SH3GL1: variants seen among roughly 807,000 people sequenced by gnomAD.
The protein encoded by SH3GL1 is endophilin-A2.
Under a neutral mutation model 48.8 loss-of-function variants are expected in SH3GL1, and 21 were observed. The ratio of observed to expected loss-of-function variants is 0.43; its 90% confidence interval spans 0.30 to 0.62. SH3GL1 has a LOEUF of 0.62. SH3GL1 is among the 20% of genes least tolerant of loss of function. The pLI is 0.11. For synonymous variants in SH3GL1, 282 were observed against 217.5 expected (o/e 1.30, Z -2.61); for missense variants, 454 against 503.0 (o/e 0.90, Z 0.93).
intron 4 of SH3GL1, 143 bp from the exon 5 acceptor site, chr19:4,364,364 G>C: frequency 9.4e-7 from 1 of 1,067,192 alleles, no homozygotes; most frequent in East Asian, 2.5e-5. Context: ...CCTCAAACTG[G>C]GCTCAAGCCA....
intron 1 of SH3GL1, among the ~76,000 whole-genome samples, chr19:4,379,597 A>C (rs1399831559): frequency 6.6e-6 from 1 of 152,052 alleles, no homozygotes; most frequent in Non-Finnish European, 1.5e-5. Flanking sequence ...ATCAACCTGC[A>C]TTCCTGTCTT....
At chr19:4,378,778 G>T (rs1389938353) in intron 1 of SH3GL1, among the ~76,000 whole-genome samples, 1 of 152,172 alleles carries the variant, frequency 6.6e-6, no homozygotes, top group Non-Finnish European at 1.5e-5. Context: ...ACTGTGCACT[G>T]AGCAACTGAG....
intron 1 of SH3GL1, among the ~76,000 whole-genome samples, chr19:4,394,753 A>G (rs1973395733): frequency 6.6e-6 from 1 of 152,166 alleles, no homozygotes. Context: ...TAGAAAGGAC[A>G]CCGTAAGAAC....
intron 1 of SH3GL1, among the ~76,000 whole-genome samples, chr19:4,394,040 G>A (rs1973383988): frequency 6.6e-6 from 1 of 150,848 alleles, no homozygotes; most frequent in Non-Finnish European, 1.5e-5. Flanking sequence ...CAAAGCTATG[G>A]GAGGTGACGC....
chr19:4,363,571 A>G (rs1599589933), intron 6 of SH3GL1, 98 bp from the exon 7 acceptor site: 2 of 1,290,798 alleles, frequency 1.5e-6, no homozygotes, highest in Non-Finnish European at 2.2e-6. Flanking sequence ...GGGGGCTGAG[A>G]GGGGACAGGG....
chr19:4,384,523 C>T (rs373236561), intron 1 of SH3GL1, among the ~76,000 whole-genome samples: 151 of 152,254 alleles, frequency 9.9e-4, no homozygotes, highest in African/African-American at 3.5e-3. Flanking sequence ...CGCTATATTG[C>T]CTAGGCTGGA....
intron 1 of SH3GL1, chr19:4,380,062 G>C (rs1973090035): frequency 6.6e-6 from 1 of 152,278 alleles, no homozygotes; most frequent in South Asian, 2.1e-4. Context: ...GGAGGGGAAG[G>C]ACACGGCAGG....
intron 1 of SH3GL1, among the ~76,000 whole-genome samples, chr19:4,386,812 G>A (rs1481599396): frequency 6.6e-6 from 1 of 152,140 alleles, no homozygotes; most frequent in Non-Finnish European, 1.5e-5. Flanking sequence ...ATGGCGGTGG[G>A]CCCCAAGGGA....
chr19:4,372,839 T>C (rs2144882220), intron 1 of SH3GL1, among the ~76,000 whole-genome samples: 1 of 152,318 alleles, frequency 6.6e-6, no homozygotes, highest in Non-Finnish European at 1.5e-5. Flanking sequence ...CTTGCTGATG[T>C]GTCTGTCTGT....
At position 4,381,963 on chromosome 19, in the gene SH3GL1, G is replaced by A. The variant is rs72988708; in HGVS notation, c.46-14969C>T. Among the ~76,000 whole-genome samples, 807 of 152,034 alleles carry A rather than the reference G, an allele frequency of 5.3e-3. 4 individuals carry two copies. The highest frequency in any genetic ancestry group is 8.1e-3 in the Non-Finnish European group (553 of 67,998). On this transcript the variant is annotated intron_variant, in intron 1 of 9. Transcript: ENST00000269886. ...AACCTAGTGACTTACAGCCACACAC[G>A]ACGTCTTCAACGACATATTAAAGCA...
chr19:4,372,992 C>T (rs1470431533), intron 1 of SH3GL1, among the ~76,000 whole-genome samples: 1 of 152,204 alleles, frequency 6.6e-6, no homozygotes, highest in Admixed American at 6.5e-5. Context: ...ACAGTAAGTG[C>T]CTGGCATGGG....
At chr19:4,392,176 G>C (rs1973349467) in intron 1 of SH3GL1, among the ~76,000 whole-genome samples, 2 of 152,158 alleles carry the variant, frequency 1.3e-5, no homozygotes. Context: ...GTCACTCCCA[G>C]CACAAGGGTA....
In SH3GL1 at chr19:4,377,217, G is replaced by T. The variant is rs904005269; in HGVS notation, c.46-10223C>A. 2.0e-5 allele frequency among the ~76,000 whole-genome samples: 3 copies of T among 152,230 alleles called. No individual in the cohort carries two copies. In the South Asian group the frequency reaches 6.2e-4, roughly 32 times the overall value. ...ATTTGGGCAGTTTCTTATCCAGGAG[G>T]ATGCCCGGGAACAGTGACAGGTCTG... On this transcript the variant is annotated intron_variant, in intron 1 of 9. Coordinates refer to ENST00000269886, the MANE Select transcript of SH3GL1 (RefSeq NM_003025.4).
At position 4,361,474 on chromosome 19, in the gene SH3GL1, C is replaced by T. The variant is rs1364461900; in HGVS notation, c.*126G>A. 2.3e-5 allele frequency: 16 copies of T among 699,010 alleles called. No homozygotes were observed. Among genetic ancestry groups the T allele is most frequent in the East Asian group, 1.3e-4 (5 of 37,138 alleles). The allele number at this position is 699,010 out of a possible 1,614,324, so 43.3% of individuals were successfully genotyped here. ...CCTGCTCAGGGAGTACCTCAAGGGC[C>T]GGGGCCCAGGTGGCGCCGGCAGGCT... On this transcript the variant is annotated 3_prime_UTR_variant, in exon 10 of 10. Coordinates refer to ENST00000269886, the MANE Select transcript of SH3GL1 (RefSeq NM_003025.4).
In SH3GL1 at chr19:4,363,448, G is replaced by A. The variant is rs759387629; in HGVS notation, c.650C>T (p.Ala217Val). The change falls in exon 7 of 10, where the codon GCC becomes GTC. Residue 217 changes from alanine to valine, a missense_variant. Physicochemically the swap from Ala to Val is moderately conservative, Grantham distance 64 (BLOSUM62 0). Coordinates refer to ENST00000269886, the MANE Select transcript of SH3GL1 (RefSeq NM_003025.4). ...TDIEQVSQLSALVDAQLDYHR... is the reference protein window; with the variant it reads ...TDIEQVSQLSVLVDAQLDYHR... ...GTAGTCCAGCTGTGCATCCACCAGG[G>A]CCGAGAGCTGACTCACCTGCTCGAT... The A allele has an allele frequency of 3.1e-6, 5 of 1,612,676 alleles. No homozygotes were observed. In the African/African-American group the frequency reaches 5.3e-5, roughly 17 times the overall value.
In SH3GL1 at chr19:4,389,170, A is replaced by G. The variant is rs977335519; in HGVS notation, c.45+11154T>C. The stretch of plus-strand genomic sequence containing the variant: ...TCTCTGGCAACCTCATCAGCAGGCC[A>G]GTGCCCAGCAGAACATGGCCCATCA... On this transcript the variant is annotated intron_variant, in intron 1 of 9. Coordinates refer to ENST00000269886, the MANE Select transcript of SH3GL1 (RefSeq NM_003025.4). This position sits in a 1 kb window ranked among gnomAD's most constrained non-coding sequence, Gnocchi z 4.5. Among the ~76,000 whole-genome samples the G allele has an allele frequency of 6.6e-6, 1 of 152,208 alleles. No individual in the cohort carries two copies. The highest frequency in any genetic ancestry group is 2.4e-5 in the African/African-American group (1 of 41,446).
intron 1 of SH3GL1, among the ~76,000 whole-genome samples, chr19:4,386,385 A>G (rs1052322049): frequency 2.0e-5 from 3 of 151,936 alleles, no homozygotes; most frequent in African/African-American, 7.3e-5. Flanking sequence ...AAAAATAATC[A>G]GTCAGCAGTT....
At chr19:4,397,493 G>A (rs1379269695) in intron 1 of SH3GL1, among the ~76,000 whole-genome samples, 1 of 152,214 alleles carries the variant, frequency 6.6e-6, no homozygotes, top group Non-Finnish European at 1.5e-5. Flanking sequence ...GACAATATGG[G>A]CACAGGCCCT....
intron 1 of SH3GL1, among the ~76,000 whole-genome samples, chr19:4,386,077 T>C (rs1395923203): frequency 1.3e-5 from 2 of 152,078 alleles, no homozygotes; most frequent in South Asian, 2.1e-4. Context: ...TGGGTGAAGG[T>C]TGGGAGATGG....
Sources: gnomAD v4.1 joint callset for allele counts (sites outside exome capture counted in the v4.1 genomes callset) on GRCh38, gnomAD v4.1.1 for gene constraint, Gnocchi (gnomAD v3.1) non-coding constraint, MANE v1.5 for transcripts, NCBI Gene and HGNC (gene_info 2026-07-23, HGNC 2026-07-21) for gene names.